NR3C2: variants seen among roughly 807,000 people sequenced by gnomAD.
NR3C2 encodes mineralocorticoid receptor.
A neutral mutation model predicts 86.4 loss-of-function variants in NR3C2; 15 were observed. The ratio of observed to expected loss-of-function variants is 0.17; its 90% CI spans 0.12 to 0.27. The LOEUF (loss-of-function observed/expected upper bound fraction) is 0.27, where lower values mean the gene tolerates loss of function less well. Ranked by LOEUF, NR3C2 falls within the 10% of genes least tolerant of loss-of-function variation. The probability of loss-of-function intolerance (pLI) is 1.00; values close to 1 mark genes in which losing one functional copy is unlikely to be tolerated. For missense variants in NR3C2, 960 were observed against 1,195.6 expected (o/e 0.80, Z 2.91); for synonymous variants, 458 against 450.5 (o/e 1.02, Z -0.21).
intron 2 of NR3C2, among the ~76,000 whole-genome samples, chr4:148,400,817 T>C (rs929764710): frequency 4.7e-5 from 7 of 150,406 alleles, no homozygotes; most frequent in Non-Finnish European, 1.0e-4. Context: ...AGAGACTGCT[T>C]TGGTGTAGAA....
intron 2 of NR3C2, among the ~76,000 whole-genome samples, chr4:148,283,781 T>C (rs1227445826): frequency 6.6e-6 from 1 of 152,256 alleles, no homozygotes; most frequent in Admixed American, 6.5e-5. Context: ...CAACAAAGAA[T>C]GTAGTACATT....
intron 6 of NR3C2, among the ~76,000 whole-genome samples, chr4:148,139,886 G>C (rs889688372): frequency 1.3e-5 from 2 of 152,234 alleles, no homozygotes; most frequent in African/African-American, 2.4e-5. Flanking sequence ...GTGGAAAAGA[G>C]GAAAATTATA....
chr4:148,388,135 G>A (rs1003258286), intron 2 of NR3C2, among the ~76,000 whole-genome samples: 24 of 152,182 alleles, frequency 1.6e-4, no homozygotes, highest in Middle Eastern at 3.4e-3. Context: ...AAATGGCTTC[G>A]GAAAATAATT....
chr4:148,388,180 T>C (rs1025556579), intron 2 of NR3C2, among the ~76,000 whole-genome samples: 5 of 152,190 alleles, frequency 3.3e-5, no homozygotes, highest in African/African-American at 1.2e-4. Flanking sequence ...TCCCTGAATA[T>C]TAGACAAGTC....
chr4:148,326,312 A>G (rs1238413859), intron 2 of NR3C2, among the ~76,000 whole-genome samples: 1 of 152,034 alleles, frequency 6.6e-6, no homozygotes. Flanking sequence ...GAGGCAGGAT[A>G]ATGTCATGAA....
chr4:148,400,076 G>A (rs990795752), intron 2 of NR3C2, among the ~76,000 whole-genome samples: 5 of 152,192 alleles, frequency 3.3e-5, no homozygotes, highest in Admixed American at 6.5e-5. Flanking sequence ...CTGTGTAAAG[G>A]AGAATTATAC....
intron 2 of NR3C2, among the ~76,000 whole-genome samples, chr4:148,323,621 G>T (rs1743774356): frequency 6.6e-6 from 1 of 152,060 alleles, no homozygotes; most frequent in Non-Finnish European, 1.5e-5. Context: ...CGCAGTATTC[G>T]GGTGGGAGTG....
chr4:148,322,627 T>C (rs1489410437), intron 2 of NR3C2, among the ~76,000 whole-genome samples: 2 of 76,398 alleles, frequency 2.6e-5, no homozygotes, highest in Non-Finnish European at 5.1e-5. Flanking sequence ...ATTTCATTCA[T>C]TTCATCTTCC....
chr4:148,178,550 T>G (rs1735490372), intron 4 of NR3C2, among the ~76,000 whole-genome samples: 1 of 151,692 alleles, frequency 6.6e-6, no homozygotes, highest in Non-Finnish European at 1.5e-5. Context: ...AGAGATGTGT[T>G]TATTATACTC....
At chr4:148,205,634 A>G (rs1736965772) in intron 3 of NR3C2, among the ~76,000 whole-genome samples, 1 of 152,256 alleles carries the variant, frequency 6.6e-6, no homozygotes, top group African/African-American at 2.4e-5. Flanking sequence ...GAGATGAATA[A>G]GAGATCCCTG....
At chr4:148,407,376 A>C (rs907090403) in intron 2 of NR3C2, among the ~76,000 whole-genome samples, 6 of 152,222 alleles carry the variant, frequency 3.9e-5, no homozygotes, top group Non-Finnish European at 5.9e-5. Context: ...AATGGCCGTA[A>C]GTGGTTTATA....
chr4:148,178,229 G>A (rs1044932297), intron 4 of NR3C2, among the ~76,000 whole-genome samples: 6 of 147,140 alleles, frequency 4.1e-5, no homozygotes, highest in African/African-American at 1.5e-4. Flanking sequence ...TAGTTGGTAA[G>A]CTGAGGTATG....
At chr4:148,224,439 T>C (rs1738037704) in intron 3 of NR3C2, among the ~76,000 whole-genome samples, 1 of 152,220 alleles carries the variant, frequency 6.6e-6, no homozygotes, top group African/African-American at 2.4e-5. Flanking sequence ...TAAATAAATG[T>C]TTGTCACATA....
intron 2 of NR3C2, among the ~76,000 whole-genome samples, chr4:148,313,658 A>G (rs1052695264): frequency 2.0e-5 from 3 of 152,286 alleles, no homozygotes; most frequent in East Asian, 3.9e-4. Context: ...TGAATTCTCT[A>G]CCACTCCATT....
chr4:148,412,821 GCA>G (rs370759208), intron 2 of NR3C2, among the ~76,000 whole-genome samples: 26 of 116,072 alleles, frequency 2.2e-4, no homozygotes, highest in Admixed American at 5.0e-4. Context: ...GCACATGTGC[GCA>G]CACACACACA....
At chr4:148,420,795 C>T (rs1157054663) in intron 2 of NR3C2, among the ~76,000 whole-genome samples, 1 of 152,148 alleles carries the variant, frequency 6.6e-6, no homozygotes, top group Admixed American at 6.6e-5. Context: ...CTCATGAGAT[C>T]TGGTTATTCA....
At chr4:148,100,858 C>T (rs977862507) in intron 8 of NR3C2, among the ~76,000 whole-genome samples, 12 of 147,468 alleles carry the variant, frequency 8.1e-5, no homozygotes, top group Non-Finnish European at 1.8e-4. Context: ...GTGGTGTATA[C>T]ATACAATGAA....
chr4:148,432,783 T>C (rs187688172), intron 2 of NR3C2, among the ~76,000 whole-genome samples: 3 of 152,316 alleles, frequency 2.0e-5, no homozygotes, highest in African/African-American at 7.2e-5. Flanking sequence ...TTAAATATTA[T>C]AACATGTAGA....
At chr4:148,130,372 C>T (rs554517397) in intron 6 of NR3C2, among the ~76,000 whole-genome samples, 12 of 152,276 alleles carry the variant, frequency 7.9e-5, no homozygotes, top group East Asian at 1.9e-4. Flanking sequence ...CATTTTTAAA[C>T]GTAAGATCCT....
Sources: allele counts gnomAD v4.1 joint callset (sites outside exome capture counted in the v4.1 genomes callset), GRCh38; gene constraint gnomAD v4.1.1; transcripts MANE v1.5; gene names NCBI Gene and HGNC (gene_info 2026-07-23, HGNC 2026-07-21).